ZIM2: variants seen among roughly 807,000 people sequenced by gnomAD.
ZIM2 encodes zinc finger imprinted 2, also known as zinc finger protein 656.
Under a neutral mutation model 38.6 loss-of-function variants are expected in ZIM2, and 14 were observed. That is an observed-to-expected ratio of 0.36 (90% CI 0.24 to 0.57). The LOEUF (loss-of-function observed/expected upper bound fraction) is 0.57. Ranked by LOEUF, ZIM2 falls within the 20% of genes least tolerant of loss-of-function variation. ZIM2 has a pLI of 0.81. For synonymous variants in ZIM2, 247 were observed against 245.8 expected, an observed-to-expected ratio of 1.00 and a Z score of -0.04; for missense variants, 680 against 695.1, an observed-to-expected ratio of 0.98 and a Z score of 0.24.
chr19:56,826,572 G>A (rs1051361325), intron 2 of ZIM2, 109 bp from the exon 3 acceptor site: 21 of 152,328 alleles, frequency 1.4e-4, no homozygotes, highest in Admixed American at 1.2e-3. Context: ...AATAGCACTG[G>A]GGTGATGCCT....
chr19:56,801,886 A>C (rs1034231286), intron 9 of ZIM2, among the ~76,000 whole-genome samples: 1 of 152,224 alleles, frequency 6.6e-6, no homozygotes, highest in African/African-American at 2.4e-5. Flanking sequence ...TGGCAAGCCC[A>C]CCTACTGGCT....
At chr19:56,823,786 A>G in intron 4 of ZIM2, 107 bp from the exon 5 acceptor site, 1 of 1,305,700 alleles carries the variant, frequency 7.7e-7, no homozygotes, top group South Asian at 1.2e-5. Flanking sequence ...CATGGTTGGA[A>G]TGACCTGATC....
At chr19:56,822,166 C>A (rs890445246) in intron 6 of ZIM2, among the ~76,000 whole-genome samples, 1 of 152,218 alleles carries the variant, frequency 6.6e-6, no homozygotes, top group Non-Finnish European at 1.5e-5. Flanking sequence ...TGAACCGTCA[C>A]TAAATGTCAC....
At chr19:56,813,930 G>C in intron 9 of ZIM2, 1 of 1,614,184 alleles carries the variant, frequency 6.2e-7, no homozygotes, top group Non-Finnish European at 8.5e-7. Flanking sequence ...GGCAGTCATA[G>C]TATGGTTCTT....
chr19:56,782,256 C>G (rs2046365241), intron 10 of ZIM2, 135 bp from the exon 11 acceptor site: 2 of 1,214,508 alleles, frequency 1.6e-6, no homozygotes, highest in Non-Finnish European at 2.3e-6. Context: ...TTTGTCTTAT[C>G]GAGTCTGAGA....
chr19:56,838,492 C>T (rs115451656), intron 1 of ZIM2, among the ~76,000 whole-genome samples: 310 of 152,298 alleles, frequency 2.0e-3, no homozygotes, highest in African/African-American at 7.0e-3. Context: ...GGCGCCTGCA[C>T]AACCCGCCTC....
chr19:56,803,552 G>A (rs2047623012), intron 9 of ZIM2, among the ~76,000 whole-genome samples: 1 of 152,182 alleles, frequency 6.6e-6, no homozygotes, highest in Non-Finnish European at 1.5e-5. Flanking sequence ...CTGATTCCAG[G>A]CACGTGTATT....
chr19:56,787,625 T>C (rs938392445), intron 10 of ZIM2, among the ~76,000 whole-genome samples: 5 of 152,092 alleles, frequency 3.3e-5, no homozygotes, highest in African/African-American at 1.2e-4. Context: ...TCTTTTTCTA[T>C]TGTTTGGAAT....
At chr19:56,775,782 A>G (rs111538110) in intron 12 of ZIM2, among the ~76,000 whole-genome samples, 2,393 of 152,200 alleles carry the variant, frequency 0.016, 67 homozygotes, top group African/African-American at 0.054. Context: ...CTGAAAACCT[A>G]AAGAGAAAAT....
At chr19:56,838,922 G>T (rs941834107) in intron 1 of ZIM2, among the ~76,000 whole-genome samples, 3 of 152,222 alleles carry the variant, frequency 2.0e-5, no homozygotes, top group Non-Finnish European at 4.4e-5. Context: ...CACCCAGGTG[G>T]GCGGGGCTTG....
intron 4 of ZIM2, 84 bp from the exon 5 acceptor site, chr19:56,823,763 T>C: frequency 6.8e-7 from 1 of 1,468,522 alleles, no homozygotes; most frequent in Non-Finnish European, 9.5e-7. Flanking sequence ...CGCATCTCCC[T>C]GTCACAGACA....
chr19:56,786,164 C>T (rs527702271), intron 10 of ZIM2, among the ~76,000 whole-genome samples: 28 of 152,194 alleles, frequency 1.8e-4, no homozygotes, highest in African/African-American at 6.0e-4. Flanking sequence ...ATTTTAATAT[C>T]GCAAATATAC....
intron 11 of ZIM2, among the ~76,000 whole-genome samples, chr19:56,780,063 A>G (rs1002918532): frequency 1.3e-5 from 2 of 152,174 alleles, no homozygotes; most frequent in Non-Finnish European, 2.9e-5. Context: ...GGGAAATGTC[A>G]TCTATTTTGT....
chr19:56,809,511 A>G (rs759886237), intron 9 of ZIM2, among the ~76,000 whole-genome samples: 6 of 152,144 alleles, frequency 3.9e-5, no homozygotes, highest in South Asian at 2.1e-4. Context: ...AGCTCTGATC[A>G]TTATGGAATC....
At chr19:56,812,352 T>A in intron 9 of ZIM2, 1 of 983,758 alleles carries the variant, frequency 1.0e-6, no homozygotes, top group Non-Finnish European at 1.2e-6. Context: ...GGAACAGATG[T>A]TAACAAAACA....
At chr19:56,797,321 T>C (rs936627854) in intron 9 of ZIM2, among the ~76,000 whole-genome samples, 17 of 151,272 alleles carry the variant, frequency 1.1e-4, no homozygotes, top group African/African-American at 3.6e-4. Flanking sequence ...AATAAACAAA[T>C]AAATAAATAA....
At chr19:56,804,718 C>T (rs1432031547) in intron 9 of ZIM2, among the ~76,000 whole-genome samples, 11 of 152,142 alleles carry the variant, frequency 7.2e-5, no homozygotes, top group Non-Finnish European at 1.0e-4. Flanking sequence ...TAACCTTCTT[C>T]AAGGGTGGAA....
In ZIM2 at chr19:56,822,913, CT is replaced by C. The variant is rs2060638178; in HGVS notation, c.107-78del. Reference sequence around the variant, plus strand: ...TTTCCCTGCATGTGCACAAACACCCCTCTGGAAAGAGATGCTACCCTCTTCC... The same window carrying C: ...TTTCCCTGCATGTGCACAAACACCCCCTGGAAAGAGATGCTACCCTCTTCC... On this transcript the variant is annotated intron_variant, in intron 5 of 12. Transcript: ENST00000629319. 1.0e-5 allele frequency: 16 copies of C among 1,543,822 alleles called. No homozygotes were observed. The South Asian group carries it at 1.8e-4, about 17-fold the overall frequency.
At chr19:56,789,446 C>T (rs1287831578) in intron 10 of ZIM2, among the ~76,000 whole-genome samples, 1 of 152,112 alleles carries the variant, frequency 6.6e-6, no homozygotes, top group African/African-American at 2.4e-5. Context: ...TACCCTTCAG[C>T]ATATTATTTA....
Sources: allele counts gnomAD v4.1 joint callset (sites outside exome capture counted in the v4.1 genomes callset), GRCh38; gene constraint gnomAD v4.1.1; transcripts MANE v1.5; gene names NCBI Gene and HGNC (gene_info 2026-07-23, HGNC 2026-07-21).